The following CLASP1 variants were observed in gnomAD, a reference collection of about 807,000 sequenced individuals.
CLASP1 encodes CLIP-associating protein 1.
A neutral mutation model predicts 192.3 loss-of-function variants in CLASP1; 38 were observed. The ratio of observed to expected loss-of-function variants is 0.20; its 90% CI spans 0.15 to 0.26. The LOEUF is 0.26. Among genes scored for constraint, CLASP1 ranks in the 10% least tolerant of loss-of-function variants. The pLI, the probability that CLASP1 is intolerant of heterozygous loss-of-function variation, is 1.00. For synonymous variants in CLASP1, 691 were observed against 712.8 expected, an observed-to-expected ratio of 0.97 and a Z score of 0.49; for missense variants, 1,433 against 1,932.5, an observed-to-expected ratio of 0.74 and a Z score of 4.85.
intron 1 of CLASP1, among the ~76,000 whole-genome samples, chr2:121,609,275 T>C (rs901892000): frequency 1.3e-5 from 2 of 152,202 alleles, no homozygotes; most frequent in Non-Finnish European, 2.9e-5. Context: ...CCTTCAACCA[T>C]AATTGTATAA....
chr2:121,479,062 A>C (rs1402493847), intron 8 of CLASP1, among the ~76,000 whole-genome samples: 46 of 81,544 alleles, frequency 5.6e-4, no homozygotes, highest in African/African-American at 1.1e-3. Flanking sequence ...CCCCCCACAC[A>C]CACACACACA....
intron 1 of CLASP1, among the ~76,000 whole-genome samples, chr2:121,620,410 C>T (rs368687823): frequency 6.6e-6 from 1 of 151,688 alleles, no homozygotes; most frequent in Admixed American, 6.6e-5. Context: ...AGTGCAGTGG[C>T]GCAATCTTGG....
intron 24 of CLASP1, 159 bp downstream of exon 25, chr2:121,410,707 C>A: frequency 1.8e-6 from 1 of 547,916 alleles, no homozygotes; most frequent in East Asian, 3.1e-5. Context: ...GTTTAAGGGG[C>A]AAACAATAAC....
chr2:121,364,051 CTT>C (rs1249631437), intron 36 of CLASP1: 1 of 152,174 alleles, frequency 6.6e-6, no homozygotes, highest in Non-Finnish European at 1.5e-5. Context: ...CGAGCCAATA[CTT>C]TGTTTTTTTT....
intron 1 of CLASP1, among the ~76,000 whole-genome samples, chr2:121,619,742 T>C (rs964291820): frequency 6.6e-6 from 1 of 152,172 alleles, no homozygotes; most frequent in Non-Finnish European, 1.5e-5. Flanking sequence ...TAGAACATAG[T>C]TTTCATTCTA....
chr2:121,342,975 C>A (rs2062969669), intron 39 of CLASP1, among the ~76,000 whole-genome samples: 1 of 152,110 alleles, frequency 6.6e-6, no homozygotes, highest in Non-Finnish European at 1.5e-5. Flanking sequence ...GTTGCCCAGG[C>A]TGGTTTGGAG....
intron 2 of CLASP1, among the ~76,000 whole-genome samples, chr2:121,557,713 C>T (rs2058700296): frequency 2.0e-5 from 3 of 151,648 alleles, no homozygotes; most frequent in Admixed American, 6.6e-5. Flanking sequence ...GCTGAGATCA[C>T]GCCACTGCAC....
chr2:121,398,846 T>C (rs2075717293), intron 28 of CLASP1, among the ~76,000 whole-genome samples: 1 of 152,224 alleles, frequency 6.6e-6, no homozygotes, highest in Admixed American at 6.5e-5. Context: ...TCCTGGTCAC[T>C]GCTTAGGGTC....
chr2:121,627,324 C>G (rs531187694), intron 1 of CLASP1, among the ~76,000 whole-genome samples: 1 of 152,262 alleles, frequency 6.6e-6, no homozygotes, highest in South Asian at 2.1e-4. Context: ...AGTGGAAAGA[C>G]ACATGAAATG....
exon 13 of CLASP1, chr2:121,458,848 T>C: frequency 6.2e-7 from 1 of 1,606,308 alleles, no homozygotes; most frequent in Non-Finnish European, 8.5e-7. Flanking sequence ...ACCCGAATAA[T>C]TAACCTAACA....
At chr2:121,404,874 T>G (rs2076688228) in intron 25 of CLASP1, among the ~76,000 whole-genome samples, 1 of 152,050 alleles carries the variant, frequency 6.6e-6, no homozygotes, top group East Asian at 1.9e-4. Context: ...ATGCTACAAC[T>G]GAAAGGCAAT....
intron 10 of CLASP1, among the ~76,000 whole-genome samples, chr2:121,462,311 A>C (rs2088244672): frequency 6.6e-6 from 1 of 152,036 alleles, no homozygotes; most frequent in Non-Finnish European, 1.5e-5. Flanking sequence ...CCATAAACTT[A>C]ATAATAGAGC....
In CLASP1 at chr2:121,457,458, TACAC is replaced by T. The variant is rs112547655; in HGVS notation, c.1385+225_1385+228del. ...AAACTCACTTTCTCTCACACAGACATACACACACACACACACACACACACACACA... is the reference window on the plus strand; with the variant it reads ...AAACTCACTTTCTCTCACACAGACATACACACACACACACACACACACACA... On this transcript the variant is annotated intron_variant, in intron 14 of 39. Transcript: ENST00000263710. 5.2e-3 allele frequency among the ~76,000 whole-genome samples: 740 copies of T among 143,524 alleles called. 4 individuals are homozygous for T. The highest frequency in any genetic ancestry group is 0.014 in the East Asian group (69 of 4,944). The allele number at this position is 143,524 out of a possible 152,430, so 94.2% of individuals were successfully genotyped here.
At chr2:121,381,225 T>C (rs1470473741) in intron 33 of CLASP1, among the ~76,000 whole-genome samples, 4 of 152,230 alleles carry the variant, frequency 2.6e-5, no homozygotes, top group Non-Finnish European at 5.9e-5. Context: ...CTTCACTATG[T>C]AGATTATTTG....
At chr2:121,486,483 C>T (rs1399377085) in intron 8 of CLASP1, among the ~76,000 whole-genome samples, 1 of 152,118 alleles carries the variant, frequency 6.6e-6, no homozygotes, top group Non-Finnish European at 1.5e-5. Context: ...TCCCTTTGAT[C>T]ACAGTACTTA....
In CLASP1 at chr2:121,584,630, CT is replaced by C. The variant is rs910647515; in HGVS notation, c.195+21070del. On this transcript the variant is annotated intron_variant, in intron 2 of 39. Coordinates refer to ENST00000263710, the Ensembl canonical transcript of CLASP1. The stretch of plus-strand genomic sequence containing the variant: ...ATGGTGGGGTATGTACCCCACAATT[CT>C]TTTTTTTTTCTGGAAACAGGGTCTC... 1.7e-3 allele frequency among the ~76,000 whole-genome samples: 256 copies of C among 149,376 alleles called. 1 individual carries two copies. The highest frequency in any genetic ancestry group is 5.5e-3 in the African/African-American group (223 of 40,812).
At chr2:121,416,826 C>A (rs2149543249) in intron 23 of CLASP1, among the ~76,000 whole-genome samples, 1 of 152,268 alleles carries the variant, frequency 6.6e-6, no homozygotes, top group East Asian at 1.9e-4. Context: ...GCTTATTCTG[C>A]CTAAGACTCT....
Position 121,343,514 on chromosome 2 carries a change from G to C in CLASP1, c.4531-2567C>G, listed in dbSNP as rs571779798. On this transcript the variant is annotated intron_variant, in intron 39 of 39. Coordinates refer to ENST00000263710, the Ensembl canonical transcript of CLASP1. Reference sequence around the variant, plus strand: ...AAGGAAGGAAATTCTGACAAATGCTGCAACATGGATAAGCCCTGAGGACAT... The same window carrying C: ...AAGGAAGGAAATTCTGACAAATGCTCCAACATGGATAAGCCCTGAGGACAT... 6.9e-4 allele frequency among the ~76,000 whole-genome samples: 105 copies of C among 152,292 alleles called. No individual in the cohort carries two copies. The South Asian group carries it at 0.021, about 30-fold the overall frequency.
intron 1 of CLASP1, among the ~76,000 whole-genome samples, chr2:121,640,193 G>A (rs191028334): frequency 7.2e-5 from 11 of 151,750 alleles, no homozygotes; most frequent in Non-Finnish European, 1.5e-5. Context: ...ACACAGGGTG[G>A]GGAACGTCAC....
Sources: allele counts gnomAD v4.1 joint callset (sites outside exome capture counted in the v4.1 genomes callset), GRCh38; gene constraint gnomAD v4.1.1; transcripts MANE v1.5; gene names NCBI Gene and HGNC (gene_info 2026-07-23, HGNC 2026-07-21).